The following CPQ variants were observed in gnomAD, a reference collection of about 807,000 sequenced individuals.
The protein encoded by CPQ is Ser-Met dipeptidase.
Under a neutral mutation model 45.7 loss-of-function variants are expected in CPQ, and 37 were observed. The observed-to-expected ratio is 0.81, with a 90% CI of 0.62 to 1.07. The LOEUF (loss-of-function observed/expected upper bound fraction) is 1.07, where lower values mean the gene tolerates loss of function less well. Among genes scored for constraint, CPQ ranks in the 50% least tolerant of loss-of-function variants. The pLI, the probability that CPQ is intolerant of heterozygous loss-of-function variation, is 0.00. For synonymous variants in CPQ, 186 were observed against 205.8 expected, an observed-to-expected ratio of 0.90 and a Z score of 0.82; for missense variants, 537 against 572.9, an observed-to-expected ratio of 0.94 and a Z score of 0.64.
rs1810735757 is a variant in CPQ at position 96,784,622 on chromosome 8, T to A, written c.-34-242T>A. ...CCTTCCCAGCTCTTTTCTTGATTTA[T>A]CCTTTTAGCATATTTTAAACAGGAT... On this transcript the variant is annotated intron_variant, in intron 1 of 7. Coordinates refer to ENST00000220763, the MANE Select transcript of CPQ (RefSeq NM_016134.4). Among the ~76,000 whole-genome samples, 4 of 152,180 alleles carry A rather than the reference T, an allele frequency of 2.6e-5. No individual in the cohort carries two copies. The South Asian group carries it at 8.3e-4, about 32-fold the overall frequency.
chr8:96,852,128 A>C (rs547857832), intron 3 of CPQ, among the ~76,000 whole-genome samples: 8 of 152,240 alleles, frequency 5.3e-5, no homozygotes, highest in Non-Finnish European at 1.2e-4. Flanking sequence ...AGGAAAAAGC[A>C]GATCTGCAGA....
At chr8:97,125,670 T>C (rs1302629849) in intron 7 of CPQ, among the ~76,000 whole-genome samples, 1 of 152,152 alleles carries the variant, frequency 6.6e-6, no homozygotes. Context: ...TTGCACAAAA[T>C]TCAACACCCA....
At chr8:96,802,600 T>C (rs752338024) in intron 2 of CPQ, among the ~76,000 whole-genome samples, 6 of 152,208 alleles carry the variant, frequency 3.9e-5, no homozygotes, top group Non-Finnish European at 8.8e-5. Context: ...TTCAGAACTT[T>C]ATGTCATCAA....
At chr8:96,854,476 A>G (rs964143702) in intron 3 of CPQ, among the ~76,000 whole-genome samples, 1 of 128,274 alleles carries the variant, frequency 7.8e-6, no homozygotes, top group Non-Finnish European at 1.6e-5. Context: ...GCTTGCAGTG[A>G]GCCGAGATTG....
intron 1 of CPQ, among the ~76,000 whole-genome samples, chr8:96,752,326 C>T (rs1014463547): frequency 9.9e-5 from 15 of 152,216 alleles, no homozygotes; most frequent in African/African-American, 3.4e-4. Flanking sequence ...TTGTAATTCT[C>T]CTTGGAGGGG....
At chr8:96,655,262 C>A (rs747500230) in intron 1 of CPQ, among the ~76,000 whole-genome samples, 1 of 151,954 alleles carries the variant, frequency 6.6e-6, no homozygotes, top group Non-Finnish European at 1.5e-5. Context: ...TTCATCTTTT[C>A]CATTCTTTTT....
At chr8:96,810,573 A>G (rs1159266549) in intron 2 of CPQ, among the ~76,000 whole-genome samples, 1 of 152,206 alleles carries the variant, frequency 6.6e-6, no homozygotes, top group Non-Finnish European at 1.5e-5. Context: ...GTACCTAGTA[A>G]AGCAGTTCAC....
chr8:96,753,715 A>T (rs1810291922), intron 1 of CPQ, among the ~76,000 whole-genome samples: 1 of 152,082 alleles, frequency 6.6e-6, no homozygotes, highest in East Asian at 1.9e-4. Flanking sequence ...AAAAGCAATC[A>T]TACCTTCTGC....
chr8:96,973,241 A>G (rs992722496), intron 5 of CPQ, among the ~76,000 whole-genome samples: 5 of 151,956 alleles, frequency 3.3e-5, no homozygotes, highest in African/African-American at 1.2e-4. Context: ...AGTCTCAGCA[A>G]TGGAATGGAA....
intron 4 of CPQ, among the ~76,000 whole-genome samples, chr8:96,959,191 C>T (rs1813409547): frequency 6.6e-6 from 1 of 152,090 alleles, no homozygotes; most frequent in Non-Finnish European, 1.5e-5. Context: ...TGCCTGCCCA[C>T]CTGTGTTTAG....
At chr8:96,768,799 G>T (rs1261466755) in intron 1 of CPQ, among the ~76,000 whole-genome samples, 1 of 152,154 alleles carries the variant, frequency 6.6e-6, no homozygotes, top group Non-Finnish European at 1.5e-5. Context: ...GGGTCTTTGT[G>T]CTTTAGTGTT....
intron 4 of CPQ, among the ~76,000 whole-genome samples, chr8:96,897,710 C>G (rs992453448): frequency 3.3e-5 from 5 of 152,100 alleles, no homozygotes; most frequent in African/African-American, 1.2e-4. Flanking sequence ...GCAAATATTC[C>G]AAAATCTGAA....
At chr8:97,085,510 A>G (rs1811025937) in intron 7 of CPQ, among the ~76,000 whole-genome samples, 1 of 152,150 alleles carries the variant, frequency 6.6e-6, no homozygotes, top group South Asian at 2.1e-4. Flanking sequence ...TAGAAAACTG[A>G]AGCTGAATCT....
chr8:96,792,135 G>A (rs1810853745), intron 2 of CPQ, among the ~76,000 whole-genome samples: 1 of 152,170 alleles, frequency 6.6e-6, no homozygotes, highest in Non-Finnish European at 1.5e-5. Flanking sequence ...TGGCAGGATT[G>A]AGAGCTCTGC....
At chr8:97,041,104 TC>T (rs1480935133) in intron 6 of CPQ, among the ~76,000 whole-genome samples, 5 of 152,258 alleles carry the variant, frequency 3.3e-5, no homozygotes, top group Admixed American at 2.0e-4. Flanking sequence ...TATTGATTCT[TC>T]CTACCCATGA....
chr8:96,938,750 T>C (rs1361402855), intron 4 of CPQ, among the ~76,000 whole-genome samples: 1 of 152,116 alleles, frequency 6.6e-6, no homozygotes, highest in Non-Finnish European at 1.5e-5. Context: ...ATTGATGTAG[T>C]CCATATAGGT....
intron 2 of CPQ, among the ~76,000 whole-genome samples, chr8:96,808,743 G>A (rs1331005808): frequency 6.6e-6 from 1 of 152,154 alleles, no homozygotes; most frequent in Admixed American, 6.6e-5. Context: ...TTTTTCAAGG[G>A]TCTCATGGTG....
intron 1 of CPQ, among the ~76,000 whole-genome samples, chr8:96,749,756 C>T (rs1810235104): frequency 6.6e-6 from 1 of 152,142 alleles, no homozygotes; most frequent in Non-Finnish European, 1.5e-5. Context: ...TTAGTGAGGA[C>T]AGAAGTAGAA....
intron 2 of CPQ, among the ~76,000 whole-genome samples, chr8:96,829,715 T>G (rs1811426846): frequency 6.6e-6 from 1 of 152,158 alleles, no homozygotes; most frequent in Admixed American, 6.6e-5. Flanking sequence ...TTTCTTCCTT[T>G]AGTCAGAATT....
Sources: allele counts gnomAD v4.1 joint callset (sites outside exome capture counted in the v4.1 genomes callset), GRCh38; gene constraint gnomAD v4.1.1; transcripts MANE v1.5; gene names NCBI Gene and HGNC (gene_info 2026-07-23, HGNC 2026-07-21).